Variants in RANBP17 observed in about 807,000 individuals in gnomAD.
The protein encoded by RANBP17 is ran-binding protein 17.
A neutral mutation model predicts 141.2 loss-of-function variants in RANBP17; 158 were observed. The ratio of observed to expected loss-of-function variants is 1.12; its 90% confidence interval spans 0.98 to 1.28. The LOEUF (loss-of-function observed/expected upper bound fraction) is 1.28, where lower values mean the gene tolerates loss of function less well. Ranked by LOEUF, RANBP17 falls within the 50% of genes most tolerant of loss-of-function variation. The pLI, the probability that RANBP17 is intolerant of heterozygous loss-of-function variation, is 0.00. For missense variants in RANBP17, 1,438 were observed against 1,290.7 expected (o/e 1.11, Z -1.75); for synonymous variants, 430 against 450.0 (o/e 0.96, Z 0.56).
At chr5:170,998,536 G>A (rs1055235858) in intron 14 of RANBP17, among the ~76,000 whole-genome samples, 16 of 152,080 alleles carry the variant, frequency 1.1e-4, no homozygotes, top group Non-Finnish European at 1.9e-4. Context: ...AGTAGTAGAG[G>A]GCTTTGATAG....
At chr5:170,889,885 G>A (rs1055776689) in intron 3 of RANBP17, among the ~76,000 whole-genome samples, 5 of 152,034 alleles carry the variant, frequency 3.3e-5, no homozygotes, top group African/African-American at 1.2e-4. Flanking sequence ...TGTAATTATT[G>A]GTGCTTACTA....
At chr5:170,889,821 C>T (rs762957780) in intron 3 of RANBP17, among the ~76,000 whole-genome samples, 4 of 152,054 alleles carry the variant, frequency 2.6e-5, no homozygotes, top group Non-Finnish European at 2.9e-5. Context: ...CTTAGTATGG[C>T]TTTTCTCTAT....
chr5:171,196,820 T>C (rs553352563), intron 18 of RANBP17, among the ~76,000 whole-genome samples: 1 of 151,994 alleles, frequency 6.6e-6, no homozygotes, highest in Non-Finnish European at 1.5e-5. Flanking sequence ...ATAGATAAAC[T>C]TTTTTTTCTT....
intron 22 of RANBP17, among the ~76,000 whole-genome samples, chr5:171,226,541 A>G (rs1763889735): frequency 6.6e-6 from 1 of 152,184 alleles, no homozygotes; most frequent in African/African-American, 2.4e-5. Context: ...ATATGCATAA[A>G]TTGAATTTGT....
chr5:170,926,225 C>T (rs1024521166), intron 12 of RANBP17, among the ~76,000 whole-genome samples: 1 of 152,136 alleles, frequency 6.6e-6, no homozygotes, highest in African/African-American at 2.4e-5. Flanking sequence ...AGACCATACT[C>T]GTGTCTGTGT....
chr5:170,949,317 T>C (rs919571760), intron 12 of RANBP17, among the ~76,000 whole-genome samples: 1 of 152,152 alleles, frequency 6.6e-6, no homozygotes, highest in African/African-American at 2.4e-5. Context: ...GGAGAAAATA[T>C]TTGCATATCA....
intron 12 of RANBP17, among the ~76,000 whole-genome samples, chr5:170,949,014 C>T (rs958414221): frequency 2.6e-5 from 4 of 151,940 alleles, no homozygotes; most frequent in African/African-American, 9.7e-5. Context: ...AATTAGGTAG[C>T]TATGTTGATG....
At chr5:171,155,467 AT>A (rs1222921401) in intron 14 of RANBP17, among the ~76,000 whole-genome samples, 1 of 152,080 alleles carries the variant, frequency 6.6e-6, no homozygotes, top group Non-Finnish European at 1.5e-5. Context: ...AGAAGCAAAA[AT>A]AAGTTATGAA....
Position 170,918,833 on chromosome 5 carries a change from G to A in RANBP17, c.1075G>A (p.Ala359Thr), listed in dbSNP as rs138557371. The A allele has an allele frequency of 1.5e-5, 24 of 1,581,170 alleles. No homozygotes were observed. The highest frequency in any genetic ancestry group is 1.8e-5 in the Non-Finnish European group (21 of 1,161,556). ...KEYPEVIRLI[A>T]NFTITSLQHW... is the part of the protein sequence containing the mutation. ...ATATCCTGAAGTTATTAGATTGATT[G>A]CTAATTTTACCATTACTAGCCTACA... Residue 359 changes from alanine (A) to threonine (T), a missense_variant, in exon 10 of 28, where the codon GCT (alanine) becomes ACT (threonine). Transcript: ENST00000523189.
At chr5:170,976,679 A>G (rs1777399741) in intron 14 of RANBP17, among the ~76,000 whole-genome samples, 1 of 152,158 alleles carries the variant, frequency 6.6e-6, no homozygotes, top group Admixed American at 6.5e-5. Flanking sequence ...AAACGAATGA[A>G]ATAGAATGGA....
intron 14 of RANBP17, among the ~76,000 whole-genome samples, chr5:171,091,092 G>C (rs1357477799): frequency 1.3e-5 from 2 of 152,164 alleles, no homozygotes; most frequent in Admixed American, 6.5e-5. Flanking sequence ...ACCACCAACA[G>C]CTTGCACTGT....
intron 14 of RANBP17, among the ~76,000 whole-genome samples, chr5:171,157,343 C>T (rs1003886064): frequency 6.6e-6 from 1 of 152,146 alleles, no homozygotes; most frequent in African/African-American, 2.4e-5. Context: ...AAGTTTTACA[C>T]CCGGCAAGAT....
chr5:171,199,390 T>C (rs1297646357), intron 18 of RANBP17, among the ~76,000 whole-genome samples: 1 of 151,732 alleles, frequency 6.6e-6, no homozygotes, highest in Non-Finnish European at 1.5e-5. Flanking sequence ...CCCTAGGAGC[T>C]AAAGGACTGA....
chr5:170,969,602 G>A (rs1297321879), intron 14 of RANBP17, among the ~76,000 whole-genome samples: 1 of 151,968 alleles, frequency 6.6e-6, no homozygotes, highest in Admixed American at 6.6e-5. Context: ...TCCATTTGGT[G>A]TAGGTCTTAA....
At chr5:170,950,464 G>A (rs1775123119) in intron 12 of RANBP17, among the ~76,000 whole-genome samples, 1 of 151,990 alleles carries the variant, frequency 6.6e-6, no homozygotes. Flanking sequence ...CATACAAATG[G>A]CCAATAGGTA....
chr5:170,922,814 C>A (rs556478595), intron 11 of RANBP17, among the ~76,000 whole-genome samples: 3 of 152,104 alleles, frequency 2.0e-5, no homozygotes, highest in Admixed American at 1.3e-4. Context: ...GCTTGCCCTC[C>A]GTGGGCTGCA....
intron 14 of RANBP17, among the ~76,000 whole-genome samples, chr5:171,063,737 T>G (rs1355211632): frequency 1.3e-5 from 2 of 152,174 alleles, no homozygotes; most frequent in African/African-American, 4.8e-5. Flanking sequence ...ACTGCTGTCT[T>G]TTTGTTTGTC....
chr5:171,007,865 G>A (rs1179998065), intron 14 of RANBP17, among the ~76,000 whole-genome samples: 1 of 152,164 alleles, frequency 6.6e-6, no homozygotes, highest in African/African-American at 2.4e-5. Context: ...AGGAGGAATG[G>A]AGGGTGGAAG....
intron 1 of RANBP17, among the ~76,000 whole-genome samples, chr5:170,869,118 T>G (rs1767498976): frequency 6.6e-6 from 1 of 152,130 alleles, no homozygotes; most frequent in Admixed American, 6.5e-5. Context: ...TTGAAATATC[T>G]TTGGAAAAAA....
Sources: allele counts gnomAD v4.1 joint callset (sites outside exome capture counted in the v4.1 genomes callset), GRCh38; gene constraint gnomAD v4.1.1; transcripts MANE v1.5; gene names NCBI Gene and HGNC (gene_info 2026-07-23, HGNC 2026-07-21).